ARPP19: variants seen among roughly 807,000 people sequenced by gnomAD.
ARPP19 encodes the protein cAMP regulated phosphoprotein 19.
In ARPP19, 8 loss-of-function variants were observed where a neutral mutation model predicts 12.0. That is an observed-to-expected ratio of 0.67 (90% CI 0.39 to 1.21). ARPP19 has a LOEUF of 1.21. Ranked by LOEUF, ARPP19 falls within the 50% of genes most tolerant of loss-of-function variation. The probability of loss-of-function intolerance (pLI) is 0.01; values close to 1 mark genes in which losing one functional copy is unlikely to be tolerated. For missense variants in ARPP19, 102 were observed against 136.3 expected (o/e 0.75, Z 1.25); for synonymous variants, 47 against 50.4 (o/e 0.93, Z 0.29).
At chr15:52,565,865 A>AT (rs1270677715) in intron 1 of ARPP19, among the ~76,000 whole-genome samples, 1 of 152,074 alleles carries the variant, frequency 6.6e-6, no homozygotes. Context: ...ATTTTATTTT[A>AT]TTTTTTTGAG....
intron 2 of ARPP19, among the ~76,000 whole-genome samples, chr15:52,552,410 A>C (rs115811095): frequency 0.024 from 3,577 of 151,720 alleles, 146 homozygotes; most frequent in African/African-American, 0.083. Context: ...TCTCTACTAA[A>C]AAAAAACAAA....
chr15:52,565,126 T>C (rs2078069635), intron 1 of ARPP19, among the ~76,000 whole-genome samples: 1 of 150,894 alleles, frequency 6.6e-6, no homozygotes, highest in East Asian at 1.9e-4. Context: ...AAGGTCCCTG[T>C]GGTTTTGACC....
chr15:52,560,803 C>T (rs997216024), intron 1 of ARPP19, among the ~76,000 whole-genome samples: 10 of 152,182 alleles, frequency 6.6e-5, no homozygotes, highest in South Asian at 4.1e-4. Flanking sequence ...CTGGTGATGC[C>T]ACCACCAACA....
At chr15:52,563,969 CTT>C (rs1248860735) in intron 1 of ARPP19, among the ~76,000 whole-genome samples, 2 of 152,174 alleles carry the variant, frequency 1.3e-5, no homozygotes, top group Non-Finnish European at 2.9e-5. Flanking sequence ...ATACAATGTA[CTT>C]GTTTCCATAA....
intron 1 of ARPP19, among the ~76,000 whole-genome samples, chr15:52,559,005 T>C (rs1392380975): frequency 6.6e-6 from 1 of 152,168 alleles, no homozygotes; most frequent in African/African-American, 2.4e-5. Context: ...CTTTATATAT[T>C]ATCAGTATTT....
intron 1 of ARPP19, 100 bp downstream of exon 1, chr15:52,568,748 C>T: frequency 1.3e-6 from 1 of 779,780 alleles, no homozygotes; most frequent in Non-Finnish European, 1.9e-6. Flanking sequence ...TCATGCGCCT[C>T]GGCCCCGCAT....
intron 1 of ARPP19, among the ~76,000 whole-genome samples, chr15:52,565,037 T>C (rs1487500785): frequency 6.7e-6 from 1 of 149,980 alleles, no homozygotes; most frequent in African/African-American, 2.5e-5. Context: ...AAAATTACCA[T>C]CTTTTTTTTT....
Position 52,569,009 on chromosome 15 carries a change from A to G in ARPP19, c.-117T>C. The G allele has an allele frequency of 1.4e-6, 1 of 710,580 alleles. No individual in the cohort carries two copies. Among genetic ancestry groups the G allele is most frequent in the Non-Finnish European group, 2.3e-6 (1 of 430,318 alleles). The allele number at this position is 710,580 out of a possible 1,614,324, so 44.0% of individuals were successfully genotyped here. A position where few individuals can be genotyped will look rare whatever the true frequency, so the allele number is the denominator to read the frequency against. ...GCCCGCCGGGCCGCCTCCGCCCGCG[A>G]AAATGGCCGCCGCCTTATGACGACA... On this transcript the variant is annotated 5_prime_UTR_variant, in exon 1 of 3. Coordinates refer to ENST00000249822, the MANE Select transcript of ARPP19 (RefSeq NM_006628.6).
intron 1 of ARPP19, among the ~76,000 whole-genome samples, chr15:52,565,485 C>T (rs957408750): frequency 1.3e-5 from 2 of 152,168 alleles, no homozygotes; most frequent in Non-Finnish European, 2.9e-5. Context: ...TAAGCATATT[C>T]TGGGGAATCT....
Position 52,566,155 on chromosome 15 carries a change from A to G in ARPP19, c.45+2693T>C, listed in dbSNP as rs148145475. On this transcript the variant is annotated intron_variant, in intron 1 of 2. Transcript: ENST00000249822. The stretch of plus-strand genomic sequence containing the variant: ...AGGTGTGAGCCACCGTGCCCGGCCA[A>G]ATTTTATTTTATTTATTTTCTGACA... Among the ~76,000 whole-genome samples, 1,024 of 143,036 alleles carry G rather than the reference A, an allele frequency of 7.2e-3. 9 individuals are homozygous for G. The highest frequency in any genetic ancestry group is 0.011 in the Non-Finnish European group (710 of 65,156). The allele number at this position is 143,036 out of a possible 152,430, so 93.8% of individuals were successfully genotyped here.
At chr15:52,556,123 TA>T (rs1174609423) in intron 2 of ARPP19, among the ~76,000 whole-genome samples, 2 of 152,112 alleles carry the variant, frequency 1.3e-5, no homozygotes, top group Non-Finnish European at 2.9e-5. Flanking sequence ...CATGTAAGAT[TA>T]AAAATACCAT....
chr15:52,562,819 C>A (rs1356884780), intron 1 of ARPP19, among the ~76,000 whole-genome samples: 6 of 147,980 alleles, frequency 4.1e-5, no homozygotes, highest in African/African-American at 1.5e-4. Context: ...GAAAAAGATA[C>A]AATAGAAAGG....
At chr15:52,555,537 C>T (rs928337913) in intron 2 of ARPP19, among the ~76,000 whole-genome samples, 3 of 151,948 alleles carry the variant, frequency 2.0e-5, no homozygotes, top group Admixed American at 6.6e-5. Flanking sequence ...AATCATTTCT[C>T]TGCTGTTGAA....
intron 1 of ARPP19, among the ~76,000 whole-genome samples, chr15:52,564,460 T>C (rs1221177577): frequency 6.6e-6 from 1 of 152,184 alleles, no homozygotes; most frequent in African/African-American, 2.4e-5. Context: ...AAAGTAGTTG[T>C]CAAAAGAGCT....
At chr15:52,564,143 T>C in intron 1 of ARPP19, 4 of 1,387,550 alleles carry the variant, frequency 2.9e-6, no homozygotes, top group Non-Finnish European at 4.0e-6. Context: ...TATCGCAAAC[T>C]GCTAAGACGG....
intron 2 of ARPP19, among the ~76,000 whole-genome samples, chr15:52,552,401 C>T (rs2077941541): frequency 6.6e-6 from 1 of 151,144 alleles, no homozygotes; most frequent in South Asian, 2.1e-4. Context: ...GAAACCCTGT[C>T]TCTACTAAAA....
chr15:52,555,770 A>G (rs2077976288), intron 2 of ARPP19, among the ~76,000 whole-genome samples: 1 of 152,046 alleles, frequency 6.6e-6, no homozygotes, highest in African/African-American at 2.4e-5. Context: ...CTTCAACCTT[A>G]GCAATAGGTA....
At chr15:52,565,682 T>C (rs1297482142) in intron 1 of ARPP19, among the ~76,000 whole-genome samples, 1 of 152,208 alleles carries the variant, frequency 6.6e-6, no homozygotes, top group Non-Finnish European at 1.5e-5. Flanking sequence ...AAAGGGGAAC[T>C]GAGCCACCAC....
In ARPP19 at chr15:52,547,353, CAAAACAAAACAAA is replaced by C. The variant is rs1244193964; in HGVS notation, c.*4568_*4580del. 1.3e-5 allele frequency: 2 copies of C among 151,962 alleles called. No individual in the cohort carries two copies. Among genetic ancestry groups the C allele is most frequent in the Non-Finnish European group, 2.9e-5 (2 of 67,972 alleles). 9.4% of individuals were successfully genotyped at this position (151,962 alleles called of 1,614,324 possible). A position where few individuals can be genotyped will look rare whatever the true frequency, so the allele number is the denominator to read the frequency against. On this transcript the variant is annotated 3_prime_UTR_variant, in exon 3 of 3. Transcript: ENST00000249822. ...AGACATGTTTTAACAAAAAGCAAAACAAAACAAAACAAAAAAACAAAACAAGGCATTTACTCTT... is the reference window on the plus strand; with the variant it reads ...AGACATGTTTTAACAAAAAGCAAAACAAAACAAAACAAGGCATTTACTCTT...
Sources: allele counts gnomAD v4.1 joint callset (sites outside exome capture counted in the v4.1 genomes callset), GRCh38; gene constraint gnomAD v4.1.1; transcripts MANE v1.5; gene names NCBI Gene and HGNC (gene_info 2026-07-23, HGNC 2026-07-21).